The following SCML2 variants were observed in gnomAD, a reference collection of about 807,000 sequenced individuals.
SCML2 encodes the protein Scm polycomb group protein like 2.
Under a neutral mutation model 48.4 loss-of-function variants are expected in SCML2, and 6 were observed. That is an observed-to-expected ratio of 0.12 (90% CI 0.07 to 0.24). SCML2 has a LOEUF of 0.24. SCML2 is among the 10% of genes least tolerant of loss of function. The probability of loss-of-function intolerance (pLI) is 1.00; values close to 1 mark genes in which losing one functional copy is unlikely to be tolerated. For missense variants in SCML2, 377 were observed against 528.2 expected (o/e 0.71, Z 2.81); for synonymous variants, 181 against 189.5 (o/e 0.95, Z 0.37).
chrX:18,304,400 C>T (rs1278129207), intron 7 of SCML2, among the ~76,000 whole-genome samples: 1 of 111,658 alleles, frequency 9.0e-6, no homozygotes, highest in East Asian at 2.8e-4. Flanking sequence ...TCATAGTACT[C>T]AGCTTAGGAA....
intron 11 of SCML2, among the ~76,000 whole-genome samples, chrX:18,250,206 A>G (rs1926598720): frequency 9.0e-6 from 1 of 111,194 alleles, no homozygotes; most frequent in Non-Finnish European, 1.9e-5. Context: ...CAGACACTGG[A>G]CTTACTAGAC....
At chrX:18,325,826 T>A (rs1430318157) in intron 3 of SCML2, among the ~76,000 whole-genome samples, 1 of 112,169 alleles carries the variant, frequency 8.9e-6, no homozygotes, top group Non-Finnish European at 1.9e-5. Flanking sequence ...ATACTCTTGC[T>A]AAATTTCCTC....
chrX:18,329,423 A>G (rs765839631), intron 3 of SCML2, among the ~76,000 whole-genome samples: 14 of 112,104 alleles, frequency 1.2e-4, no homozygotes, highest in Non-Finnish European at 2.4e-4. Context: ...CATAGGGTGA[A>G]CTGCTCTGCA....
chrX:18,257,990 G>C lies in SCML2; in HGVS notation c.1273+54C>G, dbSNP rs1338864249. ...AGGGGGAAGGGAAGGGGGAAGGGAA[G>C]GGGGAAGGGAAGGGGGAAGGGACTG... is the stretch of plus-strand genomic sequence containing the variant. On this transcript the variant is annotated intron_variant, in intron 10 of 14. Transcript: ENST00000251900. 7.3e-6 allele frequency: 5 copies of C among 684,610 alleles called. No individual in the cohort carries two copies. The African/African-American group carries it at 1.1e-4, about 15-fold the overall frequency. 56.4% of individuals were successfully genotyped at this position (684,610 alleles called of 1,213,427 possible). A position where few individuals can be genotyped will look rare whatever the true frequency, so the allele number is the denominator to read the frequency against.
chrX:18,246,665 T>C lies in SCML2; in HGVS notation c.1734A>G (p.Pro578=), dbSNP rs1415835479. The part of the protein sequence containing the change: ...SVSQDFSRSV[P]GTTSSPLVGD... ...CAACTAGTGGTGAACTTGTGGTGCC[T>C]GGCACACTTCGAGAAAAATCCTGGG... The change falls in exon 13 of 15, where the codon CCA becomes CCG. Residue 578 remains proline (P), a synonymous_variant. Transcript: ENST00000251900. 1.7e-6 allele frequency: 2 copies of C among 1,208,714 alleles called. No individual in the cohort carries two copies. Among genetic ancestry groups the C allele is most frequent in the Non-Finnish European group, 2.2e-6 (2 of 893,873 alleles).
At chrX:18,265,375 A>G (rs1856595732) in intron 8 of SCML2, among the ~76,000 whole-genome samples, 1 of 112,614 alleles carries the variant, frequency 8.9e-6, no homozygotes, top group Admixed American at 9.4e-5. Flanking sequence ...GTGGTTTTGA[A>G]GAAGTAGAAC....
chrX:18,305,961 T>C (rs1381504494), intron 6 of SCML2, among the ~76,000 whole-genome samples: 1 of 111,726 alleles, frequency 9.0e-6, no homozygotes, highest in African/African-American at 3.3e-5. Context: ...TTTCTTTCAA[T>C]CTGCTTTTCA....
At chrX:18,351,653 A>C (rs1930378591) in intron 1 of SCML2, among the ~76,000 whole-genome samples, 1 of 92,389 alleles carries the variant, frequency 1.1e-5, no homozygotes, top group Non-Finnish European at 2.1e-5. Context: ...AGGGAGAAAA[A>C]TGGCAGACAG....
intron 2 of SCML2, among the ~76,000 whole-genome samples, chrX:18,331,259 C>CAAAAAAAAA (rs35589774): frequency 1.8e-4 from 3 of 16,265 alleles, no homozygotes; most frequent in African/African-American, 7.3e-4. Context: ...GACTCCGTCT[C>CAAAAAAAAA]AAAAAAAAAA....
In SCML2 at chrX:18,260,189, T is replaced by C. The variant is rs375653882; in HGVS notation, c.1051A>G (p.Lys351Glu). The C allele has an allele frequency of 1.1e-5, 13 of 1,192,786 alleles. No homozygotes were observed. Among genetic ancestry groups the C allele is most frequent in the Non-Finnish European group, 1.2e-5 (11 of 883,691 alleles). Residue 351 changes from lysine (K) to glutamate (E), a missense_variant, in exon 9 of 15, where the codon AAA becomes GAA. Lys to Glu is a moderately conservative substitution (Grantham distance 56). This residue lies in a region of SCML2 where 299 missense variants were observed against 425.5 expected (regional missense o/e 0.70). Transcript: ENST00000251900. Reference protein sequence around the residue: ...LYKDVASGPCKIVMSTVCVYV... With the variant: ...LYKDVASGPCEIVMSTVCVYV... ...AATTTACCTGTAGACATCACTATTT[T>C]ACATGGCCCAGAAGCGACATCTTTA...
At chrX:18,269,763 T>C (rs1927385042) in intron 7 of SCML2, among the ~76,000 whole-genome samples, 1 of 111,188 alleles carries the variant, frequency 9.0e-6, no homozygotes, top group Admixed American at 9.6e-5. Flanking sequence ...AAAAATATTT[T>C]CAGCCTGCAA....
chrX:18,277,372 A>G (rs1927682766), intron 7 of SCML2, among the ~76,000 whole-genome samples: 1 of 112,568 alleles, frequency 8.9e-6, no homozygotes, highest in African/African-American at 3.2e-5. Flanking sequence ...TGCCAGGTCC[A>G]GGAAGGAAAT....
At chrX:18,347,650 G>C (rs1435275301) in intron 1 of SCML2, among the ~76,000 whole-genome samples, 1 of 99,358 alleles carries the variant, frequency 1.0e-5, no homozygotes, top group Non-Finnish European at 2.0e-5. Context: ...CTTGAACCTG[G>C]GAGGCAGAGG....
At chrX:18,326,910 A>G (rs1602138876) in intron 3 of SCML2, among the ~76,000 whole-genome samples, 1 of 111,423 alleles carries the variant, frequency 9.0e-6, no homozygotes, top group South Asian at 3.8e-4. Context: ...TAAAACTAGA[A>G]GTCATAGTTG....
chrX:18,327,877 C>T (rs1929534725), intron 3 of SCML2, among the ~76,000 whole-genome samples: 1 of 111,577 alleles, frequency 9.0e-6, no homozygotes, highest in Non-Finnish European at 1.9e-5. Flanking sequence ...TTAGACTTGA[C>T]ACATCTACGT....
rs546007935 is a variant in SCML2, at chrX:18,261,866, T to C, written c.949-1575A>G. ...CTATTAACTTTTCTTACTTTTATTT[T>C]TCATTTAAAAAATTTCATCTGCTAC... On this transcript the variant is annotated intron_variant, in intron 8 of 14. Coordinates refer to ENST00000251900, the MANE Select transcript of SCML2 (RefSeq NM_006089.3). Among the ~76,000 whole-genome samples the C allele has an allele frequency of 2.7e-5, 3 of 110,333 alleles. No homozygotes were observed. In the South Asian group the frequency reaches 1.1e-3, roughly 40 times the overall value.
At chrX:18,337,547 G>A (rs777213206) in intron 1 of SCML2, among the ~76,000 whole-genome samples, 34 of 109,530 alleles carry the variant, frequency 3.1e-4, no homozygotes, top group African/African-American at 1.1e-3. Context: ...ATGATAAAGG[G>A]GTCAATACTC....
chrX:18,345,525 G>A (rs1800561533), intron 1 of SCML2, among the ~76,000 whole-genome samples: 1 of 109,295 alleles, frequency 9.1e-6, no homozygotes, highest in Non-Finnish European at 1.9e-5. Flanking sequence ...CCTAGTAGCT[G>A]GGACTACAGG....
chrX:18,294,948 C>T lies in SCML2; in HGVS notation c.730+10024G>A, dbSNP rs868848548. Among the ~76,000 whole-genome samples the T allele has an allele frequency of 6.3e-4, 70 of 111,499 alleles. 1 individual carries two copies. The Middle Eastern group carries it at 0.037, about 59-fold the overall frequency. ...GAACAGACTCTAACACTGCCCACAG[C>T]AGCTGCCACTGGGGGCCTAAGTGTG... is the stretch of plus-strand genomic sequence containing the variant. On this transcript the variant is annotated intron_variant, in intron 7 of 14. Coordinates refer to ENST00000251900, the MANE Select transcript of SCML2 (RefSeq NM_006089.3).
Sources: allele counts gnomAD v4.1 joint callset (sites outside exome capture counted in the v4.1 genomes callset), GRCh38; gene constraint gnomAD v4.1.1; regional missense constraint gnomAD v4.1.1; transcripts MANE v1.5; gene names NCBI Gene and HGNC (gene_info 2026-07-23, HGNC 2026-07-21).